SLC6A6: variants seen among roughly 807,000 people sequenced by gnomAD.
The protein encoded by SLC6A6 is solute carrier family 6 member 6, also known as sodium- and chloride-dependent taurine transporter.
In SLC6A6, 16 loss-of-function variants were observed where a neutral mutation model predicts 68.8. That is an observed-to-expected ratio of 0.23 (90% CI 0.16 to 0.35). The LOEUF (loss-of-function observed/expected upper bound fraction) is 0.35. SLC6A6 is among the 10% of genes least tolerant of loss of function. The pLI is 1.00. For synonymous variants in SLC6A6, 312 were observed against 315.4 expected (o/e 0.99, Z 0.12); for missense variants, 474 against 802.8 (o/e 0.59, Z 4.95).
At chr3:14,403,197 G>A (rs1399170478) in intron 1 of SLC6A6, among the ~76,000 whole-genome samples, 3 of 152,022 alleles carry the variant, frequency 2.0e-5, no homozygotes, top group Non-Finnish European at 4.4e-5. Context: ...GTTTCTGAGG[G>A]TGACTGTTTC....
At chr3:14,470,566 G>A (rs922739233) in intron 9 of SLC6A6, among the ~76,000 whole-genome samples, 2 of 152,150 alleles carry the variant, frequency 1.3e-5, no homozygotes, top group Non-Finnish European at 2.9e-5. Flanking sequence ...AGAAACGAGC[G>A]AATTGAGAAT....
chr3:14,433,071 T>C (rs1239927340), intron 2 of SLC6A6, among the ~76,000 whole-genome samples: 1 of 150,792 alleles, frequency 6.6e-6, no homozygotes, highest in Admixed American at 6.6e-5. Flanking sequence ...CCTCCCTCCT[T>C]CTCTAGTCGT....
At chr3:14,440,424 G>C (rs1201964015) in intron 2 of SLC6A6, among the ~76,000 whole-genome samples, 1 of 152,050 alleles carries the variant, frequency 6.6e-6, no homozygotes, top group Non-Finnish European at 1.5e-5. Context: ...GCAGTTCTGT[G>C]TGGCCCGTGT....
rs184348257 is a variant in SLC6A6, at chr3:14,452,465, C to T, written c.599+4649C>T. On this transcript the variant is annotated intron_variant, in intron 5 of 14. Coordinates refer to ENST00000622186, the MANE Select transcript of SLC6A6 (RefSeq NM_003043.6). ...GAAGGAGCAAAGCTTCCAGCCCTGGCATTCAGCACTGCATCCTGCCTCCAG... is the reference window on the plus strand; with the variant it reads ...GAAGGAGCAAAGCTTCCAGCCCTGGTATTCAGCACTGCATCCTGCCTCCAG... Among the ~76,000 whole-genome samples the T allele has an allele frequency of 2.9e-4, 44 of 152,334 alleles. 1 individual carries two copies. In the East Asian group the frequency reaches 6.4e-3, roughly 22 times the overall value.
intron 5 of SLC6A6, among the ~76,000 whole-genome samples, chr3:14,449,040 T>C (rs1382094893): frequency 6.6e-6 from 1 of 152,178 alleles, no homozygotes; most frequent in Non-Finnish European, 1.5e-5. Context: ...TGTGTGTGGT[T>C]TTGCCATTTT....
chr3:14,432,218 G>T (rs1261162053), intron 2 of SLC6A6, among the ~76,000 whole-genome samples: 1 of 152,210 alleles, frequency 6.6e-6, no homozygotes, highest in Non-Finnish European at 1.5e-5. Flanking sequence ...AAAGGAGAAG[G>T]TCAAGGAAAT....
In SLC6A6 at chr3:14,468,551, GC is replaced by G. The variant is rs1294235736; in HGVS notation, c.1096+342del. On this transcript the variant is annotated intron_variant, in intron 9 of 14. Coordinates refer to ENST00000622186, the MANE Select transcript of SLC6A6 (RefSeq NM_003043.6). The surrounding 1 kb of genome is among the most constrained non-coding windows in gnomAD (Gnocchi z 4.5). ...AATAGAAACCACTTTCCTAACTCAGGCCCAAGTCAGCCACCAATCGGCATTC... is the reference window on the plus strand; with the variant it reads ...AATAGAAACCACTTTCCTAACTCAGGCCAAGTCAGCCACCAATCGGCATTC... Among the ~76,000 whole-genome samples the G allele has an allele frequency of 2.6e-5, 4 of 151,954 alleles. No individual in the cohort carries two copies. Among genetic ancestry groups the G allele is most frequent in the African/African-American group, 7.3e-5 (3 of 41,358 alleles).
chr3:14,422,453 C>G (rs972357202), intron 2 of SLC6A6, among the ~76,000 whole-genome samples: 7 of 152,166 alleles, frequency 4.6e-5, no homozygotes, highest in Non-Finnish European at 1.0e-4. Context: ...GTCTCCACCC[C>G]TTCGATTTAG....
intron 1 of SLC6A6, among the ~76,000 whole-genome samples, chr3:14,407,628 C>T (rs1209244670): frequency 4.6e-5 from 7 of 152,064 alleles, no homozygotes; most frequent in Non-Finnish European, 1.0e-4. Context: ...CCTCACTTCC[C>T]AAGTAGCTGG....
At chr3:14,465,214 C>G (rs773571984) in intron 6 of SLC6A6, among the ~76,000 whole-genome samples, 8 of 152,212 alleles carry the variant, frequency 5.3e-5, no homozygotes, top group Non-Finnish European at 1.2e-4. Flanking sequence ...ATGGGAAAAT[C>G]CATCCATGAG....
intron 14 of SLC6A6, among the ~76,000 whole-genome samples, chr3:14,483,187 C>G (rs1701048756): frequency 6.6e-6 from 1 of 152,114 alleles, no homozygotes; most frequent in Non-Finnish European, 1.5e-5. Context: ...GTGGGGTTGG[C>G]ATGGGGGAAA....
intron 2 of SLC6A6, among the ~76,000 whole-genome samples, chr3:14,440,990 AG>A (rs977290444): frequency 5.3e-4 from 80 of 152,236 alleles, no homozygotes; most frequent in African/African-American, 1.8e-3. Context: ...TGAGTGTGGA[AG>A]GGGGTGGAGG....
At chr3:14,461,833 G>A (rs1162443973) in intron 6 of SLC6A6, among the ~76,000 whole-genome samples, 1 of 152,162 alleles carries the variant, frequency 6.6e-6, no homozygotes, top group Non-Finnish European at 1.5e-5. Context: ...GATCAATGGC[G>A]AGCCCTGCTG....
intron 2 of SLC6A6, among the ~76,000 whole-genome samples, chr3:14,428,133 G>C (rs1574921045): frequency 6.6e-6 from 1 of 152,320 alleles, no homozygotes; most frequent in East Asian, 1.9e-4. Context: ...GGGGACCCCA[G>C]GATCCCCCAG....
intron 9 of SLC6A6, among the ~76,000 whole-genome samples, chr3:14,469,694 C>T (rs965658445): frequency 6.6e-6 from 1 of 152,228 alleles, no homozygotes; most frequent in Admixed American, 6.5e-5. Context: ...GCAACAACCT[C>T]TGGCCCTTCC....
intron 4 of SLC6A6, 52 bp from the exon 5 acceptor site, chr3:14,447,530 G>A (rs1559300288): frequency 6.2e-7 from 1 of 1,602,664 alleles, no homozygotes; most frequent in Non-Finnish European, 8.5e-7. Context: ...TGTGGCCGTG[G>A]TGGGTCTGGC....
At chr3:14,441,038 G>A (rs754964250) in intron 2 of SLC6A6, among the ~76,000 whole-genome samples, 1 of 152,180 alleles carries the variant, frequency 6.6e-6, no homozygotes, top group Non-Finnish European at 1.5e-5. Context: ...AGAGCAAAGG[G>A]ACTTGGGGAA....
intron 2 of SLC6A6, among the ~76,000 whole-genome samples, chr3:14,434,539 A>C (rs1285028920): frequency 1.3e-5 from 2 of 152,156 alleles, no homozygotes; most frequent in Non-Finnish European, 2.9e-5. Context: ...CTGCTTGCCA[A>C]AGCCACTCAA....
intron 6 of SLC6A6, among the ~76,000 whole-genome samples, chr3:14,465,754 G>A (rs1700601716): frequency 6.6e-6 from 1 of 152,200 alleles, no homozygotes; most frequent in Admixed American, 6.5e-5. Flanking sequence ...TGCATGCAAT[G>A]GGCACATGCC....
Sources: allele counts gnomAD v4.1 joint callset (sites outside exome capture counted in the v4.1 genomes callset), GRCh38; gene constraint gnomAD v4.1.1; non-coding constraint Gnocchi (gnomAD v3.1); transcripts MANE v1.5; gene names NCBI Gene and HGNC (gene_info 2026-07-23, HGNC 2026-07-21).